Variants in PRKN observed in about 807,000 individuals in gnomAD.
The protein encoded by PRKN is parkin RBR E3 ubiquitin protein ligase.
Under a neutral mutation model 59.5 loss-of-function variants are expected in PRKN, and 56 were observed. That is an observed-to-expected ratio of 0.94 (90% CI 0.76 to 1.18). The LOEUF (loss-of-function observed/expected upper bound fraction) is 1.18. PRKN is among the 50% of genes most tolerant of loss of function. The probability of loss-of-function intolerance (pLI) is 0.00; values close to 1 mark genes in which losing one functional copy is unlikely to be tolerated. For synonymous variants in PRKN, 250 were observed against 222.1 expected (o/e 1.13, Z -1.12); for missense variants, 657 against 596.4 (o/e 1.10, Z -1.06).
At chr6:162,117,621 A>T (rs1780729644) in intron 4 of PRKN, among the ~76,000 whole-genome samples, 1 of 152,136 alleles carries the variant, frequency 6.6e-6, no homozygotes, top group South Asian at 2.1e-4. Context: ...TTCCTTCTCC[A>T]CTGCAGCTTG....
At chr6:162,304,532 T>TATC (rs1305601654) in intron 2 of PRKN, among the ~76,000 whole-genome samples, 20 of 128,066 alleles carry the variant, frequency 1.6e-4, no homozygotes, top group East Asian at 1.1e-3. Context: ...TCTATCTATC[T>TATC]ATCTATCTAT....
At chr6:162,394,631 G>A (rs1787383390) in intron 2 of PRKN, among the ~76,000 whole-genome samples, 2 of 152,180 alleles carry the variant, frequency 1.3e-5, no homozygotes, top group African/African-American at 2.4e-5. Context: ...AGGCTTTCCT[G>A]CAGAAATGAT....
intron 2 of PRKN, among the ~76,000 whole-genome samples, chr6:162,438,127 C>T (rs1789870408): frequency 6.6e-6 from 1 of 152,108 alleles, no homozygotes; most frequent in Non-Finnish European, 1.5e-5. Flanking sequence ...ACCTACTTTA[C>T]CTATTACTCT....
intron 4 of PRKN, among the ~76,000 whole-genome samples, chr6:162,175,540 C>G (rs923405086): frequency 2.0e-5 from 3 of 152,156 alleles, no homozygotes; most frequent in African/African-American, 7.2e-5. Flanking sequence ...ATTCTATTGT[C>G]AAAAATTCTT....
chr6:162,214,870 T>C (rs1777569015), intron 3 of PRKN, among the ~76,000 whole-genome samples: 1 of 152,196 alleles, frequency 6.6e-6, no homozygotes, highest in Non-Finnish European at 1.5e-5. Context: ...CTTTTGTAAA[T>C]TATACTTTAG....
intron 2 of PRKN, among the ~76,000 whole-genome samples, chr6:162,286,627 T>C (rs1199228310): frequency 6.6e-6 from 1 of 152,168 alleles, no homozygotes; most frequent in Non-Finnish European, 1.5e-5. Flanking sequence ...ACAGTGTGGT[T>C]TGGATGGTTG....
At chr6:161,404,915 T>C (rs1214561754) in intron 9 of PRKN, among the ~76,000 whole-genome samples, 1 of 152,198 alleles carries the variant, frequency 6.6e-6, no homozygotes, top group Non-Finnish European at 1.5e-5. Flanking sequence ...AATACTGCAA[T>C]GGAATGGAGT....
chr6:161,687,207 T>G (rs1785589493), intron 7 of PRKN, among the ~76,000 whole-genome samples: 1 of 151,222 alleles, frequency 6.6e-6, no homozygotes, highest in Admixed American at 6.6e-5. Flanking sequence ...GCCAACATGG[T>G]GAAACTCTGT....
At chr6:162,286,154 G>C (rs1781180712) in intron 2 of PRKN, among the ~76,000 whole-genome samples, 1 of 152,158 alleles carries the variant, frequency 6.6e-6, no homozygotes, top group African/African-American at 2.4e-5. Flanking sequence ...TTACTGGGTT[G>C]AAACTGGAAG....
intron 1 of PRKN, among the ~76,000 whole-genome samples, chr6:162,622,845 A>C (rs1782731875): frequency 6.6e-6 from 1 of 152,168 alleles, no homozygotes; most frequent in Admixed American, 6.5e-5. Flanking sequence ...AAGACAGACA[A>C]GTTTTATTTT....
At chr6:161,960,668 T>C (rs1780346101) in intron 6 of PRKN, among the ~76,000 whole-genome samples, 1 of 152,226 alleles carries the variant, frequency 6.6e-6, no homozygotes, top group Non-Finnish European at 1.5e-5. Flanking sequence ...GATTAGTTAC[T>C]ATTAGCAAAA....
At chr6:162,541,005 A>G (rs1778905653) in intron 1 of PRKN, among the ~76,000 whole-genome samples, 1 of 152,162 alleles carries the variant, frequency 6.6e-6, no homozygotes. Context: ...AGGGCAATGT[A>G]GGATTAGAAT....
At chr6:162,122,827 C>T (rs901182373) in intron 4 of PRKN, among the ~76,000 whole-genome samples, 9 of 152,088 alleles carry the variant, frequency 5.9e-5, no homozygotes, top group African/African-American at 2.2e-4. Flanking sequence ...GCTTCTCTCA[C>T]TGCCAGAAAA....
intron 6 of PRKN, among the ~76,000 whole-genome samples, chr6:161,970,582 G>A (rs149110896): frequency 6.6e-6 from 1 of 150,968 alleles, no homozygotes; most frequent in Non-Finnish European, 1.5e-5. Flanking sequence ...TTGTCACCCT[G>A]GCTGGAGCGC....
chr6:161,775,379 A>G (rs1789878503), intron 7 of PRKN, among the ~76,000 whole-genome samples: 1 of 152,020 alleles, frequency 6.6e-6, no homozygotes, highest in East Asian at 1.9e-4. Context: ...AGTAGCTGAG[A>G]CTGTAGATAT....
At chr6:161,768,562 A>C (rs1192111973) in intron 7 of PRKN, among the ~76,000 whole-genome samples, 1 of 152,084 alleles carries the variant, frequency 6.6e-6, no homozygotes, top group Non-Finnish European at 1.5e-5. Context: ...AGATAGAAAA[A>C]CAAAAAAAAT....
At chr6:161,991,178 T>A (rs911245866) in intron 5 of PRKN, among the ~76,000 whole-genome samples, 1 of 152,154 alleles carries the variant, frequency 6.6e-6, no homozygotes, top group African/African-American at 2.4e-5. Flanking sequence ...AGAAATTAAG[T>A]CTTTCCCAGA....
chr6:161,833,304 C>T (rs1336795275), intron 6 of PRKN, among the ~76,000 whole-genome samples: 1 of 152,174 alleles, frequency 6.6e-6, no homozygotes, highest in Non-Finnish European at 1.5e-5. Flanking sequence ...GAAGTGCTTG[C>T]CCGGAGGCCT....
At chr6:161,678,400 T>C (rs968846000) in intron 7 of PRKN, among the ~76,000 whole-genome samples, 12 of 151,778 alleles carry the variant, frequency 7.9e-5, no homozygotes, top group Non-Finnish European at 1.5e-4. Context: ...ACAAAGTGGA[T>C]GTAAACATGA....
Sources: gnomAD v4.1 joint callset for allele counts (sites outside exome capture counted in the v4.1 genomes callset) on GRCh38, gnomAD v4.1.1 for gene constraint, MANE v1.5 for transcripts, NCBI Gene and HGNC (gene_info 2026-07-23, HGNC 2026-07-21) for gene names.